The following SHLD1 variants were observed in gnomAD, a reference collection of about 807,000 sequenced individuals.
The protein encoded by SHLD1 is RINN1-REV7-interacting novel NHEJ regulator 3.
SHLD1 carries 3 observed loss-of-function variants against 5.5 expected under a neutral mutation model. That is an observed-to-expected ratio of 0.54 (90% CI 0.25 to 1.40). The LOEUF (loss-of-function observed/expected upper bound fraction) is 1.40. Ranked by LOEUF, SHLD1 falls within the 40% of genes most tolerant of loss-of-function variation. The pLI is 0.15. For missense variants in SHLD1, 210 were observed against 244.4 expected, an observed-to-expected ratio of 0.86 and a Z score of 0.94; for synonymous variants, 92 against 94.3, an observed-to-expected ratio of 0.98 and a Z score of 0.14.
At chr20:5,841,117 T>C (rs2122467747) in intron 2 of SHLD1, among the ~76,000 whole-genome samples, 1 of 152,276 alleles carries the variant, frequency 6.6e-6, no homozygotes, top group East Asian at 1.9e-4. Context: ...TCTAGGAATC[T>C]TTTTGAAAAA....
intron 2 of SHLD1, among the ~76,000 whole-genome samples, chr20:5,817,396 C>T (rs7409647): frequency 4.0e-5 from 2 of 50,310 alleles, no homozygotes; most frequent in Non-Finnish European, 1.1e-4. Context: ...GGGATATTTT[C>T]TCTCTCTCTC....
chr20:5,792,799 G>A (rs1156431688), intron 2 of SHLD1, among the ~76,000 whole-genome samples: 40 of 151,516 alleles, frequency 2.6e-4, no homozygotes, highest in Non-Finnish European at 4.9e-4. Context: ...TCAGCCTCCC[G>A]AGTAGCTGGG....
At chr20:5,827,176 A>C (rs75391890) in intron 2 of SHLD1, among the ~76,000 whole-genome samples, 1 of 152,198 alleles carries the variant, frequency 6.6e-6, no homozygotes, top group Non-Finnish European at 1.5e-5. Context: ...GCCCGCCACC[A>C]TGAGAGCGTG....
At chr20:5,808,561 T>C (rs112759631) in intron 2 of SHLD1, among the ~76,000 whole-genome samples, 2 of 152,358 alleles carry the variant, frequency 1.3e-5, no homozygotes, top group Admixed American at 1.3e-4. Flanking sequence ...TCTCTCATAT[T>C]TTTACTGTCT....
In SHLD1 at chr20:5,814,876, T is replaced by C. The variant is rs61045182; in HGVS notation, c.178+41833T>C. On this transcript the variant is annotated intron_variant, in intron 2 of 2. Coordinates refer to ENST00000303142, the MANE Select transcript of SHLD1 (RefSeq NM_152504.4). ...TCATGTTGCCCAGGCTGGTCTCGAA[T>C]TCCTGGGCTCAAGAGATCTGCCCAC... 6.9e-3 allele frequency among the ~76,000 whole-genome samples: 1,045 copies of C among 151,906 alleles called. 9 individuals carry two copies. The highest frequency in any genetic ancestry group is 0.024 in the African/African-American group (1,012 of 41,452).
At chr20:5,824,439 GT>G (rs905291329) in intron 2 of SHLD1, among the ~76,000 whole-genome samples, 1 of 151,914 alleles carries the variant, frequency 6.6e-6, no homozygotes, top group African/African-American at 2.4e-5. Context: ...TTTATTTTCT[GT>G]TTCACCACTG....
At chr20:5,838,870 A>G (rs938831976) in intron 2 of SHLD1, among the ~76,000 whole-genome samples, 2 of 152,236 alleles carry the variant, frequency 1.3e-5, no homozygotes, top group Non-Finnish European at 2.9e-5. Flanking sequence ...CATTTGATTA[A>G]TATTAAATTT....
chr20:5,833,586 A>G (rs2087754984), intron 2 of SHLD1, among the ~76,000 whole-genome samples: 1 of 151,966 alleles, frequency 6.6e-6, no homozygotes, highest in African/African-American at 2.4e-5. Context: ...AACAGAGTCC[A>G]TCTAACTGAG....
intron 2 of SHLD1, among the ~76,000 whole-genome samples, chr20:5,819,435 C>T (rs1485047700): frequency 6.6e-6 from 1 of 152,200 alleles, no homozygotes; most frequent in East Asian, 1.9e-4. Flanking sequence ...GCTTCACTTT[C>T]ATCACATATA....
chr20:5,762,862 A>G (rs1600093743), intron 1 of SHLD1, among the ~76,000 whole-genome samples: 1 of 151,550 alleles, frequency 6.6e-6, no homozygotes, highest in Admixed American at 6.6e-5. Context: ...AGTCCCAGCT[A>G]CTTGGGAGGC....
intron 2 of SHLD1, among the ~76,000 whole-genome samples, chr20:5,792,591 T>A (rs1051983597): frequency 5.3e-5 from 8 of 151,928 alleles, no homozygotes; most frequent in Admixed American, 3.9e-4. Context: ...GGCTAATTTT[T>A]GAATTTTTAG....
intron 2 of SHLD1, among the ~76,000 whole-genome samples, chr20:5,842,086 C>T (rs2087869941): frequency 6.6e-6 from 1 of 152,116 alleles, no homozygotes. Flanking sequence ...CTTTCAGAAA[C>T]AAAATATAGA....
chr20:5,766,747 T>G (rs545406205), intron 1 of SHLD1, among the ~76,000 whole-genome samples: 1 of 152,236 alleles, frequency 6.6e-6, no homozygotes, highest in East Asian at 1.9e-4. Flanking sequence ...TATTCTGAAA[T>G]TACTTCTTTT....
At chr20:5,844,799 A>ATATATATATATATT (rs1460082835) in intron 2 of SHLD1, among the ~76,000 whole-genome samples, 18 of 71,714 alleles carry the variant, frequency 2.5e-4, no homozygotes, top group East Asian at 1.9e-3. Context: ...ATATATATAT[A>ATATATATATATATT]TTTTTTTTTT....
At chr20:5,801,972 C>T (rs1270616958) in intron 2 of SHLD1, among the ~76,000 whole-genome samples, 1 of 152,108 alleles carries the variant, frequency 6.6e-6, no homozygotes, top group Non-Finnish European at 1.5e-5. Context: ...TCAGTGGGTA[C>T]TCATTGAATT....
intron 2 of SHLD1, among the ~76,000 whole-genome samples, chr20:5,780,755 C>T (rs1985648235): frequency 6.6e-6 from 1 of 152,214 alleles, no homozygotes; most frequent in Admixed American, 6.5e-5. Flanking sequence ...ACTTCTTCAT[C>T]TCAGGATTGC....
chr20:5,766,111 A>T (rs746104881), intron 1 of SHLD1, among the ~76,000 whole-genome samples: 2 of 152,188 alleles, frequency 1.3e-5, no homozygotes, highest in Admixed American at 6.6e-5. Context: ...GGCAGGCAGG[A>T]TATGCCAGCA....
rs1187222423 is a variant in SHLD1 at position 5,855,630 on chromosome 20, C to T, written c.179-7394C>T. ...CAAGAGATCCACTTTCCTTGGCCCC[C>T]CAAAGTGCTGGGATTATAGACATGA... On this transcript the variant is annotated intron_variant, in intron 2 of 2. Coordinates refer to ENST00000303142, the MANE Select transcript of SHLD1 (RefSeq NM_152504.4). This position sits in a 1 kb window ranked among gnomAD's most constrained non-coding sequence, Gnocchi z 4.4. Among the ~76,000 whole-genome samples the T allele has an allele frequency of 6.6e-6, 1 of 152,190 alleles. No homozygotes were observed. Among genetic ancestry groups the T allele is most frequent in the African/African-American group, 2.4e-5 (1 of 41,440 alleles).
chr20:5,828,554 T>C (rs2087692495), intron 2 of SHLD1, among the ~76,000 whole-genome samples: 1 of 152,134 alleles, frequency 6.6e-6, no homozygotes. Context: ...TGCATGGAAG[T>C]AGGTCTTGTA....
Sources: allele counts gnomAD v4.1 joint callset (sites outside exome capture counted in the v4.1 genomes callset), GRCh38; gene constraint gnomAD v4.1.1; non-coding constraint Gnocchi (gnomAD v3.1); transcripts MANE v1.5; gene names NCBI Gene and HGNC (gene_info 2026-07-23, HGNC 2026-07-21).